ALG12: variants seen among roughly 807,000 people sequenced by gnomAD.
ALG12 encodes the protein ALG12 alpha-1,6-mannosyltransferase.
In ALG12, 36 loss-of-function variants were observed where a neutral mutation model predicts 46.0. The ratio of observed to expected loss-of-function variants is 0.78; its 90% CI spans 0.60 to 1.03. The LOEUF is 1.03. Among genes scored for constraint, ALG12 ranks in the 50% least tolerant of loss-of-function variants. The pLI is 0.00. For synonymous variants in ALG12, 326 were observed against 291.6 expected, an observed-to-expected ratio of 1.12 and a Z score of -1.20; for missense variants, 599 against 633.5, an observed-to-expected ratio of 0.95 and a Z score of 0.58.
At chr22:49,860,036 G>A in the ALG12 span, among the ~76,000 whole-genome samples, 433 of 113,026 alleles carry the variant, frequency 3.8e-3, 93 homozygotes, top group Middle Eastern at 0.02. Context: ...GATGGTATGC[G>A]CCTGGAGTTC....
the ALG12 span, among the ~76,000 whole-genome samples, chr22:49,893,632 A>C: frequency 2.6e-5 from 4 of 152,226 alleles, no homozygotes; most frequent in African/African-American, 9.6e-5. Context: ...TCACCAGCCA[A>C]CCAGCCCTAA....
chr22:49,889,360 A>C, the ALG12 span: 1 of 167,114 alleles, frequency 6.0e-6, no homozygotes, highest in Non-Finnish European at 1.5e-5. Flanking sequence ...GACAGAGACC[A>C]CAGGCCCACT....
the ALG12 span, among the ~76,000 whole-genome samples, chr22:49,890,848 C>T: frequency 5.9e-5 from 9 of 152,148 alleles, no homozygotes; most frequent in South Asian, 4.2e-4. Flanking sequence ...AACCCCGTCC[C>T]GTCTCCACTA....
chr22:49,893,348 C>G, the ALG12 span, among the ~76,000 whole-genome samples: 1 of 152,142 alleles, frequency 6.6e-6, no homozygotes, highest in Non-Finnish European at 1.5e-5. Context: ...AAAATAACAA[C>G]CTGCACCTAG....
chr22:49,895,518 G>C (rs936822710), downstream of ALG12, among the ~76,000 whole-genome samples: 1 of 152,046 alleles, frequency 6.6e-6, no homozygotes, highest in Non-Finnish European at 1.5e-5. Context: ...CAGGTGTGGT[G>C]GTGCGCACCT....
intron 3 of ALG12, among the ~76,000 whole-genome samples, chr22:49,911,097 G>A (rs554380556): frequency 4.1e-4 from 62 of 152,256 alleles, no homozygotes; most frequent in Non-Finnish European, 7.9e-4. Context: ...GGTCTGATGA[G>A]GAGGTGGTGA....
Position 49,904,240 on chromosome 22 carries a change from T to C in ALG12, c.1177A>G (p.Ile393Val), listed in dbSNP as rs3922872. The C allele has an allele frequency of 0.11, 183,749 of 1,614,008 alleles. 11,273 individuals carry two copies. The highest frequency in any genetic ancestry group is 0.2 in the South Asian group (18,105 of 91,070). ...CCTGTCTGGGCGGCTGCCACGTCAATGTGCAGAAGGACGTCTAGGAAAACC... is the reference window on the plus strand; with the variant it reads ...CCTGTCTGGGCGGCTGCCACGTCAACGTGCAGAAGGACGTCTAGGAAAACC... ...VPPQTDVLLHIDVAAAQTGVS... is the reference protein window; with the variant it reads ...VPPQTDVLLHVDVAAAQTGVS... Residue 393 changes from isoleucine (I) to valine (V), a missense_variant, in exon 9 of 10, where the codon ATT becomes GTT. Transcript: ENST00000330817.
the ALG12 span, among the ~76,000 whole-genome samples, chr22:49,862,585 A>C: frequency 6.6e-6 from 1 of 151,538 alleles, no homozygotes; most frequent in Admixed American, 6.6e-5. Context: ...GTGCCGCCCC[A>C]GCCCCTCCCA....
At chr22:49,910,157 A>G (rs528333339) in intron 4 of ALG12, 69 bp from the exon 5 acceptor site, 7 of 1,485,176 alleles carry the variant, frequency 4.7e-6, no homozygotes, top group Non-Finnish European at 6.4e-6. Context: ...CACCCGGGGA[A>G]GTGAAGGGTG....
At chr22:49,863,874 A>G in the ALG12 span, among the ~76,000 whole-genome samples, 2 of 152,200 alleles carry the variant, frequency 1.3e-5, no homozygotes, top group African/African-American at 4.8e-5. Flanking sequence ...ATGAATTTAA[A>G]CATATTTGGG....
chr22:49,859,664 T>C, the ALG12 span, among the ~76,000 whole-genome samples: 1 of 152,240 alleles, frequency 6.6e-6, no homozygotes, highest in African/African-American at 2.4e-5. Flanking sequence ...CTAGAAAATA[T>C]GTATTTAAAA....
the ALG12 span, among the ~76,000 whole-genome samples, chr22:49,894,881 C>G: frequency 2.6e-5 from 4 of 152,210 alleles, no homozygotes; most frequent in African/African-American, 9.7e-5. Flanking sequence ...AGAGGCCTCT[C>G]ACGTCCACCC....
rs373864889 is a variant in ALG12, at chr22:49,902,172, C to G, written c.*1666G>C. The stretch of plus-strand genomic sequence containing the variant: ...TATGCATGGTGTGTGCACGTGTGCA[C>G]TGTGTGTGGTGTGTATGCATGGTGT... On this transcript the variant is annotated 3_prime_UTR_variant, in exon 10 of 10. Transcript: ENST00000330817. The G allele has an allele frequency of 3.3e-5, 4 of 122,730 alleles. No individual in the cohort carries two copies. Among genetic ancestry groups the G allele is most frequent in the African/African-American group, 1.1e-4 (3 of 27,368 alleles). 7.6% of individuals were successfully genotyped at this position (122,730 alleles called of 1,614,324 possible).
the ALG12 span, among the ~76,000 whole-genome samples, chr22:49,872,437 C>G: frequency 6.6e-6 from 1 of 152,222 alleles, no homozygotes; most frequent in Non-Finnish European, 1.5e-5. Flanking sequence ...GTCTGAGCCC[C>G]TCAGAGTCAT....
At chr22:49,915,456 C>A (rs779459350) in intron 1 of ALG12, among the ~76,000 whole-genome samples, 4 of 152,056 alleles carry the variant, frequency 2.6e-5, no homozygotes, top group Admixed American at 6.6e-5. Context: ...ACTCGGGAGG[C>A]TAAGGCAGGA....
chr22:49,896,346 CG>C (rs1378710638), downstream of ALG12, among the ~76,000 whole-genome samples: 4 of 152,226 alleles, frequency 2.6e-5, no homozygotes, highest in South Asian at 2.1e-4. Flanking sequence ...AGACCTTGTT[CG>C]GCTGGAGTGG....
chr22:49,885,752 C>T, the ALG12 span: 1 of 1,603,976 alleles, frequency 6.2e-7, no homozygotes, highest in African/African-American at 1.3e-5. Flanking sequence ...CTCCCCGCCC[C>T]TTCCTACTTC....
chr22:49,892,946 G>C, the ALG12 span, among the ~76,000 whole-genome samples: 1 of 152,136 alleles, frequency 6.6e-6, no homozygotes, highest in African/African-American at 2.4e-5. Flanking sequence ...TTTCAGACAC[G>C]GACTTTATGA....
chr22:49,898,892 AC>A (rs2060493651), downstream of ALG12, among the ~76,000 whole-genome samples: 5 of 152,236 alleles, frequency 3.3e-5, no homozygotes, highest in South Asian at 8.3e-4. Context: ...AGCTGGAACT[AC>A]AGGCGTGCAC....
Sources: allele counts gnomAD v4.1 joint callset (sites outside exome capture counted in the v4.1 genomes callset), GRCh38; gene constraint gnomAD v4.1.1; transcripts MANE v1.5; gene names NCBI Gene and HGNC (gene_info 2026-07-23, HGNC 2026-07-21).